The following RIMS1 variants were observed in gnomAD, a reference collection of about 807,000 sequenced individuals.
The protein encoded by RIMS1 is regulating synaptic membrane exocytosis 1, also known as regulating synaptic membrane exocytosis protein 1.
Under a neutral mutation model 214.1 loss-of-function variants are expected in RIMS1, and 83 were observed. The observed-to-expected ratio is 0.39, with a 90% CI of 0.32 to 0.47. The LOEUF is 0.47. Among genes scored for constraint, RIMS1 ranks in the 20% least tolerant of loss-of-function variants. The pLI is 0.99. For missense variants in RIMS1, 2,050 were observed against 2,161.8 expected (o/e 0.95, Z 1.03); for synonymous variants, 793 against 786.8 (o/e 1.01, Z -0.13).
At chr6:72,088,729 T>G (rs916781288) in intron 2 of RIMS1, among the ~76,000 whole-genome samples, 13 of 152,194 alleles carry the variant, frequency 8.5e-5, no homozygotes, top group African/African-American at 3.1e-4. Flanking sequence ...CAAGAAAGTT[T>G]TGAAAATGCA....
At chr6:72,035,516 C>T (rs1278970227) in intron 2 of RIMS1, among the ~76,000 whole-genome samples, 1 of 152,116 alleles carries the variant, frequency 6.6e-6, no homozygotes, top group Admixed American at 6.6e-5. Context: ...GTCTTACTTC[C>T]TTCAGTGATA....
At chr6:72,358,382 T>C (rs1227625865) in intron 29 of RIMS1, among the ~76,000 whole-genome samples, 1 of 152,120 alleles carries the variant, frequency 6.6e-6, no homozygotes, top group Non-Finnish European at 1.5e-5. Context: ...TTTTAGTGAG[T>C]ATTTTTCTAA....
intron 28 of RIMS1, 126 bp from the exon 29 acceptor site, chr6:72,333,474 A>G: frequency 1.4e-6 from 1 of 702,850 alleles, no homozygotes; most frequent in Non-Finnish European, 2.4e-6. Flanking sequence ...GTATAGATCC[A>G]CTACTCAACT....
chr6:72,397,237 A>T (rs1298973542), intron 31 of RIMS1, among the ~76,000 whole-genome samples: 1 of 152,186 alleles, frequency 6.6e-6, no homozygotes, highest in Non-Finnish European at 1.5e-5. Flanking sequence ...AACTCAAGAG[A>T]CATGAAAATT....
At chr6:71,985,881 A>C (rs962726931) in intron 2 of RIMS1, among the ~76,000 whole-genome samples, 3 of 152,148 alleles carry the variant, frequency 2.0e-5, no homozygotes, top group Non-Finnish European at 4.4e-5. Flanking sequence ...CACTTTAACT[A>C]GTGTCATTTC....
chr6:72,073,881 A>G (rs947046967), intron 2 of RIMS1, among the ~76,000 whole-genome samples: 1 of 152,178 alleles, frequency 6.6e-6, no homozygotes, highest in South Asian at 2.1e-4. Context: ...TCAGTTTATT[A>G]TATTCCATTT....
intron 2 of RIMS1, among the ~76,000 whole-genome samples, chr6:71,972,146 C>T (rs558145218): frequency 2.0e-5 from 3 of 152,168 alleles, no homozygotes; most frequent in South Asian, 2.1e-4. Flanking sequence ...TAGTAAAGAA[C>T]CAGAAGCCAA....
chr6:72,263,793 G>A (rs536981226), intron 19 of RIMS1: 99 of 627,870 alleles, frequency 1.6e-4, no homozygotes, highest in Middle Eastern at 7.7e-4. Flanking sequence ...GTGAAACCCC[G>A]TCTCTACTAA....
At chr6:72,136,258 G>GA (rs2041259821) in intron 4 of RIMS1, among the ~76,000 whole-genome samples, 1 of 151,718 alleles carries the variant, frequency 6.6e-6, no homozygotes, top group Admixed American at 6.6e-5. Flanking sequence ...TCCAGAAGAT[G>GA]AAAAAAGAAA....
At chr6:71,987,300 G>A (rs941346355) in intron 2 of RIMS1, among the ~76,000 whole-genome samples, 2 of 152,220 alleles carry the variant, frequency 1.3e-5, no homozygotes, top group African/African-American at 2.4e-5. Context: ...TCTGGAGGCT[G>A]AAAGTCTGAG....
intron 1 of RIMS1, among the ~76,000 whole-genome samples, chr6:71,914,949 C>T (rs1182369043): frequency 1.3e-5 from 2 of 152,008 alleles, no homozygotes; most frequent in Non-Finnish European, 2.9e-5. Context: ...TATCAGAGTA[C>T]CTTAAATACA....
At chr6:71,992,400 C>CTCTTTCTT (rs1347080847) in intron 2 of RIMS1, among the ~76,000 whole-genome samples, 1 of 87,794 alleles carries the variant, frequency 1.1e-5, no homozygotes, top group South Asian at 4.0e-4. Context: ...TTCTTTCTCT[C>CTCTTTCTT]TCTCTCTTTC....
chr6:72,263,402 A>C, intron 19 of RIMS1: 1 of 980,866 alleles, frequency 1.0e-6, no homozygotes. Context: ...GTTATTTCCC[A>C]CATTTTGTGG....
intron 29 of RIMS1, among the ~76,000 whole-genome samples, chr6:72,381,491 T>C (rs2098486294): frequency 6.6e-6 from 1 of 152,270 alleles, no homozygotes; most frequent in Non-Finnish European, 1.5e-5. Flanking sequence ...TTTCCCGCTC[T>C]CTTATCTGGC....
rs766069111 is a variant in RIMS1 at position 72,250,416 on chromosome 6, T to C, written c.2328T>C (p.Arg776=). Residue 776 remains arginine, a synonymous_variant, in exon 13 of 34, where the codon CGT becomes CGC. Transcript: ENST00000521978. ...ATDLPARVDG[R]PRNPYVKMYF... The stretch of plus-strand genomic sequence containing the variant: ...ATCTACCTGCTAGAGTAGATGGACG[T>C]CCTCGAAATCCCTATGTAAAAATGT... 19 of 1,605,590 alleles carry C rather than the reference T, an allele frequency of 1.2e-5. No homozygotes were observed. The highest frequency in any genetic ancestry group is 1.7e-5 in the Admixed American group (1 of 59,568).
rs182969520 is a variant in RIMS1 at position 72,105,098 on chromosome 6, T to A, written c.471+5112T>A. 1.9e-3 allele frequency among the ~76,000 whole-genome samples: 281 copies of A among 149,648 alleles called. 3 individuals are homozygous for A. The highest frequency in any genetic ancestry group is 6.2e-3 in the African/African-American group (243 of 39,340). On this transcript the variant is annotated intron_variant, in intron 4 of 33. Coordinates refer to ENST00000521978, the MANE Select transcript of RIMS1 (RefSeq NM_014989.7). ...GGTGTGTCTGGCTAATTAAAAAAAATTTTTTTTTAAATTTTTGTAGTTATA... is the reference window on the plus strand; with the variant it reads ...GGTGTGTCTGGCTAATTAAAAAAAAATTTTTTTTAAATTTTTGTAGTTATA...
intron 33 of RIMS1, among the ~76,000 whole-genome samples, chr6:72,399,656 T>C (rs2098818890): frequency 1.2e-5 from 1 of 84,986 alleles, no homozygotes; most frequent in Non-Finnish European, 2.7e-5. Context: ...GCAATAAGTA[T>C]CATTATCCCC....
intron 26 of RIMS1, among the ~76,000 whole-genome samples, 156 bp from the exon 27 acceptor site, chr6:72,307,102 C>T (rs2095243451): frequency 1.3e-5 from 2 of 152,094 alleles, no homozygotes; most frequent in African/African-American, 4.8e-5. Flanking sequence ...GTTGCTAGTA[C>T]TGTATATTCT....
At chr6:72,348,247 C>G (rs2097332428) in intron 29 of RIMS1, among the ~76,000 whole-genome samples, 1 of 151,858 alleles carries the variant, frequency 6.6e-6, no homozygotes, top group Non-Finnish European at 1.5e-5. Flanking sequence ...CCCGCTTATA[C>G]ACAAATTTTT....
Sources: allele counts gnomAD v4.1 joint callset (sites outside exome capture counted in the v4.1 genomes callset), GRCh38; gene constraint gnomAD v4.1.1; transcripts MANE v1.5; gene names NCBI Gene and HGNC (gene_info 2026-07-23, HGNC 2026-07-21).